The following BIRC6 variants were observed in gnomAD, a reference collection of about 807,000 sequenced individuals.
The protein encoded by BIRC6 is dual E2 ubiquitin-conjugating enzyme/E3 ubiquitin-protein ligase BIRC6.
Under a neutral mutation model 503.3 loss-of-function variants are expected in BIRC6, and 98 were observed. The ratio of observed to expected loss-of-function variants is 0.19; its 90% CI spans 0.17 to 0.23. The LOEUF (loss-of-function observed/expected upper bound fraction) is 0.23. Among genes scored for constraint, BIRC6 ranks in the 10% least tolerant of loss-of-function variants. BIRC6 has a pLI of 1.00. For synonymous variants in BIRC6, 2,240 were observed against 2,078.7 expected (o/e 1.08, Z -2.11); for missense variants, 5,360 against 5,806.0 (o/e 0.92, Z 2.50).
At chr2:32,567,540 A>G (rs1181298140) in intron 65 of BIRC6, among the ~76,000 whole-genome samples, 7 of 152,248 alleles carry the variant, frequency 4.6e-5, no homozygotes, top group African/African-American at 1.7e-4. Flanking sequence ...TAAAATTTAG[A>G]TAGCGTGTGG....
At chr2:32,609,903 C>T (rs747075897) in intron 72 of BIRC6, among the ~76,000 whole-genome samples, 16 of 152,100 alleles carry the variant, frequency 1.1e-4, no homozygotes, top group Non-Finnish European at 1.8e-4. Flanking sequence ...ACCTAGCTTG[C>T]GTTAAAGGGG....
At chr2:32,490,490 A>C (rs2051559738) in intron 43 of BIRC6, among the ~76,000 whole-genome samples, 1 of 152,150 alleles carries the variant, frequency 6.6e-6, no homozygotes. Flanking sequence ...AGCTTAGATC[A>C]CGCCACTGCA....
intron 1 of BIRC6, among the ~76,000 whole-genome samples, chr2:32,368,314 A>G (rs1005619119): frequency 2.0e-5 from 3 of 151,954 alleles, no homozygotes; most frequent in Non-Finnish European, 4.4e-5. Context: ...GCCGAGGTGG[A>G]TGGATCTCAA....
intron 9 of BIRC6, among the ~76,000 whole-genome samples, chr2:32,408,864 G>A (rs1017992036): frequency 2.0e-5 from 3 of 152,070 alleles, no homozygotes; most frequent in Non-Finnish European, 2.9e-5. Flanking sequence ...CCTCATTTGA[G>A]GATTTGTAAG....
chr2:32,445,004 T>G (rs1042789899), intron 20 of BIRC6, among the ~76,000 whole-genome samples: 12 of 152,210 alleles, frequency 7.9e-5, no homozygotes, highest in South Asian at 2.1e-4. Context: ...TACACTGTCA[T>G]GATAATCTTT....
intron 73 of BIRC6, among the ~76,000 whole-genome samples, chr2:32,612,001 A>AT (rs1459429233): frequency 6.6e-6 from 1 of 152,000 alleles, no homozygotes; most frequent in Non-Finnish European, 1.5e-5. Flanking sequence ...TCAGCTTCCC[A>AT]TGTAGCTAGG....
chr2:32,407,769 G>A (rs1416278347), intron 9 of BIRC6, among the ~76,000 whole-genome samples: 1 of 151,806 alleles, frequency 6.6e-6, no homozygotes, highest in African/African-American at 2.4e-5. Context: ...GCAGTTCTTA[G>A]CAATGAACAA....
At chr2:32,616,123 A>G (rs1308718519) in intron 73 of BIRC6, among the ~76,000 whole-genome samples, 4 of 152,186 alleles carry the variant, frequency 2.6e-5, no homozygotes, top group Non-Finnish European at 5.9e-5. Context: ...TTTTAACTCA[A>G]TTTTGTAAAA....
intron 2 of BIRC6, among the ~76,000 whole-genome samples, chr2:32,378,768 A>G (rs1335870555): frequency 2.0e-5 from 3 of 152,132 alleles, no homozygotes; most frequent in Non-Finnish European, 4.4e-5. Context: ...CACAACCAGT[A>G]ATTTTTGCTA....
chr2:32,599,993 T>C (rs1243674886), intron 70 of BIRC6, 93 bp downstream of exon 70: 45 of 1,195,658 alleles, frequency 3.8e-5, no homozygotes, highest in Middle Eastern at 3.9e-4. Context: ...AGTTATCTGC[T>C]AAGAGGGCAT....
chr2:32,400,379 C>T (rs957269626), intron 6 of BIRC6, among the ~76,000 whole-genome samples: 1 of 141,156 alleles, frequency 7.1e-6, no homozygotes, highest in African/African-American at 2.7e-5. Flanking sequence ...CACTCCGTTG[C>T]CCAGGCTGGA....
At chr2:32,400,665 T>C (rs997886211) in intron 6 of BIRC6, among the ~76,000 whole-genome samples, 3 of 152,214 alleles carry the variant, frequency 2.0e-5, no homozygotes, top group Non-Finnish European at 2.9e-5. Flanking sequence ...AAAAACTTTT[T>C]AGTAAAATAA....
intron 66 of BIRC6, chr2:32,591,093 A>T: frequency 1.9e-6 from 1 of 528,716 alleles, no homozygotes; most frequent in Non-Finnish European, 2.4e-6. Context: ...AGTTAGAATC[A>T]TTGATAGGCA....
intron 9 of BIRC6, among the ~76,000 whole-genome samples, chr2:32,407,569 A>C (rs2149845487): frequency 6.6e-6 from 1 of 152,184 alleles, no homozygotes; most frequent in African/African-American, 2.4e-5. Context: ...TTAATGTTAG[A>C]TGCTGTGTAC....
intron 45 of BIRC6, among the ~76,000 whole-genome samples, chr2:32,497,027 G>A (rs1347407325): frequency 6.6e-6 from 1 of 152,160 alleles, no homozygotes; most frequent in African/African-American, 2.4e-5. Context: ...TTAGATATGT[G>A]ATAGTAAGTT....
rs183728184 is a variant in BIRC6, at chr2:32,473,705, T to C, written c.6720+466T>C. Reference sequence around the variant, plus strand: ...TTTTCCATGTCTTTTTTCTCCTTTTTCGTGTGTGTGTGTGTGTGTGTGTGT... The same window carrying C: ...TTTTCCATGTCTTTTTTCTCCTTTTCCGTGTGTGTGTGTGTGTGTGTGTGT... On this transcript the variant is annotated intron_variant, in intron 33 of 73. Coordinates refer to ENST00000421745, the MANE Select transcript of BIRC6 (RefSeq NM_016252.4). Among the ~76,000 whole-genome samples, 959 of 111,494 alleles carry C rather than the reference T, an allele frequency of 8.6e-3. 9 individuals carry two copies. The highest frequency in any genetic ancestry group is 0.016 in the Admixed American group (165 of 10,610). 73.1% of individuals were successfully genotyped at this position (111,494 alleles called of 152,430 possible).
At chr2:32,614,115 A>G (rs887297654) in intron 73 of BIRC6, among the ~76,000 whole-genome samples, 6 of 151,870 alleles carry the variant, frequency 4.0e-5, no homozygotes, top group Non-Finnish European at 8.8e-5. Context: ...ATTTTAAACC[A>G]TTTTTCTCTG....
intron 12 of BIRC6, among the ~76,000 whole-genome samples, 192 bp downstream of exon 12, chr2:32,431,282 G>T (rs1368657752): frequency 8.0e-6 from 1 of 124,640 alleles, no homozygotes. Context: ...TGCAACCACT[G>T]CCTCCTGGGT....
intron 40 of BIRC6, 102 bp downstream of exon 40, chr2:32,485,861 G>C (rs1341289308): frequency 2.7e-6 from 2 of 740,864 alleles, no homozygotes; most frequent in Non-Finnish European, 4.5e-6. Context: ...TCCATGATGT[G>C]AGTCTGAGGG....
Sources: allele counts gnomAD v4.1 joint callset (sites outside exome capture counted in the v4.1 genomes callset), GRCh38; gene constraint gnomAD v4.1.1; transcripts MANE v1.5; gene names NCBI Gene and HGNC (gene_info 2026-07-23, HGNC 2026-07-21).